The following MAP3K9 variants were observed in gnomAD, a reference collection of about 807,000 sequenced individuals.
MAP3K9 encodes the protein mixed lineage kinase 1 (tyr and ser/thr specificity).
MAP3K9 carries 46 observed loss-of-function variants against 95.8 expected under a neutral mutation model. The ratio of observed to expected loss-of-function variants is 0.48; its 90% CI spans 0.38 to 0.61. The LOEUF is 0.61. Among genes scored for constraint, MAP3K9 ranks in the 20% least tolerant of loss-of-function variants. The pLI, the probability that MAP3K9 is intolerant of heterozygous loss-of-function variation, is 0.00. For synonymous variants in MAP3K9, 533 were observed against 593.8 expected, an observed-to-expected ratio of 0.90 and a Z score of 1.49; for missense variants, 1,296 against 1,474.3, an observed-to-expected ratio of 0.88 and a Z score of 1.98.
intron 2 of MAP3K9, among the ~76,000 whole-genome samples, chr14:70,797,673 G>A (rs913938867): frequency 3.5e-4 from 53 of 152,144 alleles, no homozygotes; most frequent in African/African-American, 1.2e-3. Context: ...GGGAGGCGGC[G>A]GTTGCAAAGA....
At position 70,732,818 on chromosome 14, in the gene MAP3K9, G is replaced by A. The variant is rs769767191; in HGVS notation, c.2551C>T (p.Arg851Cys). ...SECNSTRSLLRSDSDEIVVYE... is the reference protein window; with the variant it reads ...SECNSTRSLLCSDSDEIVVYE... ...ACGACAATTTCATCGCTGTCGGAGCGCAGCAGGGAGCGTGTGGAGTTGCAC... is the reference window on the plus strand; with the variant it reads ...ACGACAATTTCATCGCTGTCGGAGCACAGCAGGGAGCGTGTGGAGTTGCAC... The change falls in exon 11 of 12, where the codon CGC (arginine) becomes TGC (cysteine). Residue 851 changes from arginine (R) to cysteine (C), a missense_variant. This residue lies in a region of MAP3K9 where 433 missense variants were observed against 441.4 expected (regional missense o/e 0.98). Coordinates refer to ENST00000554752, the MANE Select transcript of MAP3K9 (RefSeq NM_001284230.2). 8.7e-6 allele frequency: 14 copies of A among 1,613,976 alleles called. No individual in the cohort carries two copies. In the South Asian group the frequency reaches 8.8e-5, roughly 10 times the overall value.
chr14:70,779,992 C>T (rs555713491), intron 2 of MAP3K9, among the ~76,000 whole-genome samples: 1 of 152,354 alleles, frequency 6.6e-6, no homozygotes, highest in African/African-American at 2.4e-5. Context: ...ATCCTTCAGA[C>T]AGGCACCCAG....
intron 2 of MAP3K9, among the ~76,000 whole-genome samples, chr14:70,784,126 A>G (rs2054717118): frequency 1.3e-5 from 2 of 151,936 alleles, no homozygotes; most frequent in Non-Finnish European, 2.9e-5. Context: ...TCTACTAAAA[A>G]TACAAAACTA....
chr14:70,765,975 G>C (rs557202347), intron 2 of MAP3K9, among the ~76,000 whole-genome samples: 11 of 152,092 alleles, frequency 7.2e-5, no homozygotes, highest in Admixed American at 3.3e-4. Context: ...GTCAATGGGG[G>C]CCTGGCCAGG....
At chr14:70,761,400 C>T (rs375462780) in intron 2 of MAP3K9, among the ~76,000 whole-genome samples, 4 of 152,338 alleles carry the variant, frequency 2.6e-5, no homozygotes, top group East Asian at 1.9e-4. Flanking sequence ...CTCACAACAA[C>T]TTACAAGGCA....
At chr14:70,757,327 G>A (rs1408009747) in intron 3 of MAP3K9, among the ~76,000 whole-genome samples, 1 of 151,916 alleles carries the variant, frequency 6.6e-6, no homozygotes, top group Admixed American at 6.6e-5. Flanking sequence ...TAGAAAAAGT[G>A]GAGCATGCCT....
intron 2 of MAP3K9, among the ~76,000 whole-genome samples, chr14:70,764,847 A>G (rs769235558): frequency 2.6e-5 from 4 of 152,158 alleles, no homozygotes; most frequent in Non-Finnish European, 4.4e-5. Flanking sequence ...AAAAACAAAC[A>G]AACAACAAAA....
intron 2 of MAP3K9, among the ~76,000 whole-genome samples, chr14:70,775,844 G>A (rs899671187): frequency 6.6e-6 from 1 of 152,180 alleles, no homozygotes; most frequent in African/African-American, 2.4e-5. Context: ...ATCCTTCTAG[G>A]GAAGGGAACT....
intron 7 of MAP3K9, chr14:70,739,835 G>A (rs1045567034): frequency 4.7e-6 from 7 of 1,473,856 alleles, no homozygotes; most frequent in Non-Finnish European, 6.4e-6. Context: ...TGACTAAAAG[G>A]TAGAGGGGGC....
chr14:70,789,859 C>T (rs542819990), intron 2 of MAP3K9, among the ~76,000 whole-genome samples: 1 of 152,328 alleles, frequency 6.6e-6, no homozygotes, highest in African/African-American at 2.4e-5. Context: ...GGGACATGTT[C>T]TTCCTGTTAT....
chr14:70,792,260 C>T (rs530459906), intron 2 of MAP3K9, among the ~76,000 whole-genome samples: 2 of 152,324 alleles, frequency 1.3e-5, no homozygotes, highest in South Asian at 2.1e-4. Flanking sequence ...AGCGCTTGTA[C>T]ACTTTTGCCT....
At position 70,808,826 on chromosome 14, in the gene MAP3K9, C is replaced by CCAGCCGGGTCACGTAGCT; in HGVS notation, c.345_346insAGCTACGTGACCCGGCTG (p.Ser115_Ala116insSerTyrValThrArgLeu). 6.3e-7 allele frequency: 1 copy of CCAGCCGGGTCACGTAGCT among 1,596,248 alleles called. No individual in the cohort carries two copies. The highest frequency in any genetic ancestry group is 2.3e-5 in the East Asian group (1 of 43,890). ...CCGGGCTGGCAGCGGCTGGAGAAGG[C>CCAGCCGGGTCACGTAGCT]GCTGCGCGGGGTCACGTAGTTGCTG... On this transcript the variant is annotated inframe_insertion, in exon 1 of 12. Coordinates refer to ENST00000554752, the MANE Select transcript of MAP3K9 (RefSeq NM_001284230.2).
At chr14:70,745,980 C>G (rs2054141399) in intron 5 of MAP3K9, among the ~76,000 whole-genome samples, 2 of 152,154 alleles carry the variant, frequency 1.3e-5, no homozygotes, top group Admixed American at 1.3e-4. Flanking sequence ...ATGAAATAAA[C>G]CTCAAATTAA....
intron 3 of MAP3K9, among the ~76,000 whole-genome samples, chr14:70,754,635 C>T (rs907074992): frequency 2.0e-5 from 3 of 152,146 alleles, no homozygotes; most frequent in East Asian, 1.9e-4. Context: ...CCATGCCCGG[C>T]TAATTTTTTG....
At chr14:70,793,151 C>G (rs933539490) in intron 2 of MAP3K9, among the ~76,000 whole-genome samples, 3 of 152,224 alleles carry the variant, frequency 2.0e-5, no homozygotes, top group African/African-American at 7.2e-5. Context: ...CCCGACAGCA[C>G]CGGGCAGTGG....
intron 2 of MAP3K9, among the ~76,000 whole-genome samples, chr14:70,782,647 C>A (rs1215560397): frequency 6.6e-6 from 1 of 152,230 alleles, no homozygotes; most frequent in African/African-American, 2.4e-5. Context: ...GAGGAACCAA[C>A]CTCAAGTACC....
At chr14:70,742,204 A>T in intron 6 of MAP3K9, 147 bp downstream of exon 6, 1 of 1,083,316 alleles carries the variant, frequency 9.2e-7, no homozygotes, top group Non-Finnish European at 1.3e-6. Flanking sequence ...CAGTCTTTCC[A>T]GTGAACAGAA....
At chr14:70,764,442 T>G (rs2054420953) in intron 2 of MAP3K9, among the ~76,000 whole-genome samples, 2 of 134,768 alleles carry the variant, frequency 1.5e-5, no homozygotes, top group African/African-American at 5.5e-5. Context: ...CAACAAAAAA[T>G]GTATGTTAAA....
At chr14:70,775,307 G>A (rs1448895747) in intron 2 of MAP3K9, among the ~76,000 whole-genome samples, 1 of 152,100 alleles carries the variant, frequency 6.6e-6, no homozygotes, top group Non-Finnish European at 1.5e-5. Context: ...TATAGTTGAG[G>A]AAGCTGGGAC....
Sources: gnomAD v4.1 joint callset for allele counts (sites outside exome capture counted in the v4.1 genomes callset) on GRCh38, gnomAD v4.1.1 for gene constraint, gnomAD v4.1.1 regional missense constraint, MANE v1.5 for transcripts, NCBI Gene and HGNC (gene_info 2026-07-23, HGNC 2026-07-21) for gene names.